The following MFRP variants were observed in gnomAD, a reference collection of about 807,000 sequenced individuals.
MFRP encodes C1q and TNF related 5.
In MFRP, 74 loss-of-function variants were observed where a neutral mutation model predicts 65.8. The ratio of observed to expected loss-of-function variants is 1.12; its 90% CI spans 0.93 to 1.36. MFRP has a LOEUF of 1.36. Ranked by LOEUF, MFRP falls within the 40% of genes most tolerant of loss-of-function variation. The pLI, the probability that MFRP is intolerant of heterozygous loss-of-function variation, is 0.00. For missense variants in MFRP, 838 were observed against 736.0 expected, an observed-to-expected ratio of 1.14 and a Z score of -1.60; for synonymous variants, 336 against 288.3, an observed-to-expected ratio of 1.17 and a Z score of -1.68.
At position 119,345,461 on chromosome 11, in the gene MFRP, A is replaced by T. The variant is rs1236282593; in HGVS notation, c.600T>A (p.Asp200Glu). 6.2e-7 allele frequency: 1 copy of T among 1,613,868 alleles called. No homozygotes were observed. The highest frequency in any genetic ancestry group is 8.5e-7 in the Non-Finnish European group (1 of 1,180,020). ...SIESVASCLF[D>E]RLELSPEPEG... ...CAGGCTCAGGGGAGAGTTCCAAGCG[A>T]TCAAAAAGGCAAGAGGCCACACTCT... Residue 200 changes from aspartate (D) to glutamate (E), a missense_variant, in exon 5 of 15, where the codon GAT (aspartate) becomes GAA (glutamate). By Grantham distance (45) the Asp-to-Glu change is conservative (BLOSUM62 2). Coordinates refer to ENST00000619721, the MANE Select transcript of MFRP (RefSeq NM_031433.4).
chr11:119,343,768 C>CA (rs754457857), intron 9 of MFRP, 48 bp downstream of exon 9: 2 of 1,611,550 alleles, frequency 1.2e-6, no homozygotes, highest in Non-Finnish European at 1.7e-6. Context: ...CCGGGGGTGG[C>CA]AGACAGTGAG....
chr11:119,346,351 G>A lies in MFRP; in HGVS notation c.78C>T (p.Phe26=), dbSNP rs188844398. ...SSKTEFCNPA[F]EPESGPPCPP... is the part of the protein sequence containing the mutation. ...GGCAGGGTGGCCCAGACTCAGGCTC[G>A]AAGGCAGGATTGCAGAACTCGGTCT... The change falls in exon 2 of 15, where the codon TTC becomes TTT. Residue 26 remains phenylalanine (F), a synonymous_variant. Coordinates refer to ENST00000619721, the MANE Select transcript of MFRP (RefSeq NM_031433.4). 1.2e-5 allele frequency: 19 copies of A among 1,614,056 alleles called. No homozygotes were observed. In the Admixed American group the frequency reaches 1.8e-4, roughly 16 times the overall value.
chr11:119,346,160 C>T lies in MFRP; in HGVS notation c.158-1G>A, dbSNP rs767822773. ...GGCCGTAGCCCTCGAGGACGCCGAC[C>T]TGCGGGTTGGCAGGTGGGGTTTTGA... On this transcript the variant is annotated splice_acceptor_variant, in intron 2 of 14. Coordinates refer to ENST00000619721, the MANE Select transcript of MFRP (RefSeq NM_031433.4). LOFTEE classifies it high-confidence loss of function. The T allele has an allele frequency of 2.5e-6, 4 of 1,587,210 alleles. No homozygotes were observed. In the East Asian group the frequency reaches 9.2e-5, roughly 36 times the overall value.
At position 119,339,086 on chromosome 11, in the gene MFRP, C is replaced by G; in HGVS notation, c.*1873G>C. Reference sequence around the variant, plus strand: ...TGGACCAGAGCAACTGGGGGACTTACACTTGCCAGCACAGCACACTCCTCT... The same window carrying G: ...TGGACCAGAGCAACTGGGGGACTTAGACTTGCCAGCACAGCACACTCCTCT... On this transcript the variant is annotated 3_prime_UTR_variant, in exon 15 of 15. Coordinates refer to ENST00000619721, the MANE Select transcript of MFRP (RefSeq NM_031433.4). The surrounding 1 kb of genome is among the most constrained non-coding windows in gnomAD (Gnocchi z 5.4). 2.0e-6 allele frequency: 1 copy of G among 504,326 alleles called. No homozygotes were observed. Among genetic ancestry groups the G allele is most frequent in the Non-Finnish European group, 3.5e-6 (1 of 285,716 alleles). The allele number at this position is 504,326 out of a possible 1,614,324, so 31.2% of individuals were successfully genotyped here.
At chr11:119,344,828 A>T (rs1950543314) in intron 6 of MFRP, 46 bp downstream of exon 6, 2 of 1,613,404 alleles carry the variant, frequency 1.2e-6, no homozygotes, top group Non-Finnish European at 8.5e-7. Context: ...GAGTGGGTGG[A>T]GGGGAAGAAA....
At position 119,339,845 on chromosome 11, in the gene MFRP, A is replaced by T; in HGVS notation, c.*1114T>A. The T allele has an allele frequency of 4.0e-6, 6 of 1,482,244 alleles. No homozygotes were observed. Among genetic ancestry groups the T allele is most frequent in the Non-Finnish European group, 4.4e-6 (5 of 1,124,198 alleles). 91.8% of individuals were successfully genotyped at this position (1,482,244 alleles called of 1,614,324 possible). A position where few individuals can be genotyped will look rare whatever the true frequency, so the allele number is the denominator to read the frequency against. ...CCCGGGGTCCCCTCGAGGTCCCGGCAGTCCTGCGGGGTAAGCGGGGCGGCA... is the reference window on the plus strand; with the variant it reads ...CCCGGGGTCCCCTCGAGGTCCCGGCTGTCCTGCGGGGTAAGCGGGGCGGCA... On this transcript the variant is annotated 3_prime_UTR_variant, in exon 15 of 15. Coordinates refer to ENST00000619721, the MANE Select transcript of MFRP (RefSeq NM_031433.4). The surrounding 1 kb of genome is among the most constrained non-coding windows in gnomAD (Gnocchi z 5.4).
In MFRP at chr11:119,346,276, C is replaced by T. The variant is rs1950568652; in HGVS notation, c.153G>A (p.Trp51Ter). ...EDASYSVPAP[W>*]HGRRPRGLRP... The stretch of plus-strand genomic sequence containing the variant: ...GTCACCCCCTGGGATGGTTACCATG[C>T]CAGGGAGCTGGGACGCTGTAGCTGG... The change falls in exon 2 of 15, where the codon TGG becomes TGA. Residue 51 changes from tryptophan to a stop codon, truncating the protein, a stop_gained. Transcript: ENST00000619721. LOFTEE classifies it high-confidence loss of function. The T allele has an allele frequency of 1.2e-6, 2 of 1,612,398 alleles. No homozygotes were observed. The highest frequency in any genetic ancestry group is 1.7e-6 in the Non-Finnish European group (2 of 1,179,318).
In MFRP at chr11:119,342,720, A is replaced by G. The variant is rs2135369155; in HGVS notation, c.1263T>C (p.Cys421=). The change falls in exon 11 of 15, where the codon TGT becomes TGC. Residue 421 remains cysteine, a synonymous_variant. Transcript: ENST00000619721. ...YLAFNATENP[C]GPSELSCQAG... ...CCTGGCAGGAGAGCTCACTGGGCCCACAGGGGTCTGCAGGCACAAGGGGCA... is the reference window on the plus strand; with the variant it reads ...CCTGGCAGGAGAGCTCACTGGGCCCGCAGGGGTCTGCAGGCACAAGGGGCA... The G allele has an allele frequency of 6.2e-7, 1 of 1,613,538 alleles. No individual in the cohort carries two copies. The highest frequency in any genetic ancestry group is 8.5e-7 in the Non-Finnish European group (1 of 1,179,928).
In MFRP at chr11:119,341,166, A is replaced by G; in HGVS notation, c.*382T>C. ...GAGGCAGACAGCCAGTTGGATCCCT[A>G]GGGCCTAGGACAGGGGCCTGCCACA... On this transcript the variant is annotated 3_prime_UTR_variant, in exon 13 of 15. Transcript: ENST00000619721. 1 of 261,326 alleles carries G rather than the reference A, an allele frequency of 3.8e-6. No individual in the cohort carries two copies. Among genetic ancestry groups the G allele is most frequent in the Non-Finnish European group, 7.5e-6 (1 of 133,522 alleles). The allele number at this position is 261,326 out of a possible 1,614,324, so 16.2% of individuals were successfully genotyped here.
rs916580246 is a variant in MFRP, at chr11:119,340,171, G to T, written c.*1110+13C>A. 5 of 1,509,952 alleles carry T rather than the reference G, an allele frequency of 3.3e-6. No homozygotes were observed. Among genetic ancestry groups the T allele is most frequent in the Non-Finnish European group, 8.8e-7 (1 of 1,132,170 alleles). The allele number at this position is 1,509,952 out of a possible 1,614,324, so 93.5% of individuals were successfully genotyped here. ...GGACATCGCCACCGATAGCCGCGGC[G>T]GTGCCTTCTTACCCGGCCTCCCGCC... On this transcript the variant is annotated intron_variant, in intron 14 of 14. Coordinates refer to ENST00000619721, the MANE Select transcript of MFRP (RefSeq NM_031433.4).
Position 119,346,163 on chromosome 11 carries a change from C to G in MFRP, c.158-4G>C, listed in dbSNP as rs560861324. The G allele has an allele frequency of 2.5e-6, 4 of 1,585,048 alleles. No individual in the cohort carries two copies. Among genetic ancestry groups the G allele is most frequent in the Non-Finnish European group, 2.6e-6 (3 of 1,165,174 alleles). On this transcript the variant is annotated splice_polypyrimidine_tract_variant and splice_region_variant and intron_variant, in intron 2 of 14. Coordinates refer to ENST00000619721, the MANE Select transcript of MFRP (RefSeq NM_031433.4). ...CGTAGCCCTCGAGGACGCCGACCTG[C>G]GGGTTGGCAGGTGGGGTTTTGAAAG...
In MFRP at chr11:119,346,342, CT is replaced by C. The variant is rs1200654299; in HGVS notation, c.86del (p.Glu29GlyfsTer108). ...TEFCNPAFEP[E>X]SGPPCPPPVF... Reference sequence around the variant, plus strand: ...CTGGGGGAGGGCAGGGTGGCCCAGACTCAGGCTCGAAGGCAGGATTGCAGAA... The same window carrying C: ...CTGGGGGAGGGCAGGGTGGCCCAGACCAGGCTCGAAGGCAGGATTGCAGAA... On this transcript the variant is annotated frameshift_variant, in exon 2 of 15. Transcript: ENST00000619721. LOFTEE classifies it high-confidence loss of function. 6.2e-7 allele frequency: 1 copy of C among 1,614,066 alleles called. No individual in the cohort carries two copies.
intron 3 of MFRP, 29 bp from the exon 4 acceptor site, chr11:119,345,957 T>C: frequency 1.2e-6 from 2 of 1,613,548 alleles, no homozygotes; most frequent in Middle Eastern, 3.3e-4. Flanking sequence ...AGGGTGGCGT[T>C]CAGAGGAGCT....
intron 9 of MFRP, among the ~76,000 whole-genome samples, chr11:119,343,581 T>TA (rs1456682155): frequency 1.3e-5 from 2 of 151,346 alleles, no homozygotes; most frequent in African/African-American, 4.9e-5. Flanking sequence ...CCCCTGCCGG[T>TA]GGGGAGGAAC....
rs1442032777 is a variant in MFRP at position 119,341,692 on chromosome 11, G to A, written c.1596C>T (p.Gly532=). The change falls in exon 13 of 15, where the codon GGC becomes GGT. Residue 532 remains glycine, a synonymous_variant. Transcript: ENST00000619721. Reference sequence around the variant, plus strand: ...CAGAGCGGCAAGGGGGCAGAACACTGCCTAGTGGGGTGCAACGGGGCACAA... The same window carrying A: ...CAGAGCGGCAAGGGGGCAGAACACTACCTAGTGGGGTGCAACGGGGCACAA... ...GLLVPRCTPL[G]SVLPPCRSVC... The A allele has an allele frequency of 1.2e-6, 2 of 1,613,124 alleles. No homozygotes were observed. Among genetic ancestry groups the A allele is most frequent in the Non-Finnish European group, 8.5e-7 (1 of 1,180,034 alleles).
chr11:119,345,482 ACT>A lies in MFRP; in HGVS notation c.577_578del (p.Ser193CysfsTer7), dbSNP rs1950553695. The A allele has an allele frequency of 1.9e-6, 3 of 1,613,882 alleles. No homozygotes were observed. The highest frequency in any genetic ancestry group is 2.5e-6 in the Non-Finnish European group (3 of 1,179,998). ...AGCGATCAAAAAGGCAAGAGGCCAC[ACT>A]CTCTATGCTGAGGGCTTCGATCTTG... ...QLKIEALSIE[S>X]VASCLFDRLE... On this transcript the variant is annotated frameshift_variant, in exon 5 of 15. Coordinates refer to ENST00000619721, the MANE Select transcript of MFRP (RefSeq NM_031433.4). LOFTEE classifies it high-confidence loss of function.
rs369448482 is a variant in MFRP, at chr11:119,345,840, G to T, written c.360C>A (p.Thr120=). The T allele has an allele frequency of 4.9e-5, 79 of 1,613,858 alleles. No homozygotes were observed. The African/African-American group carries it at 8.3e-4, about 17-fold the overall frequency. ...TAGGGGTCCCAGCTGCCTGAGAGGT[G>T]GTGATGGTGGGGGTGGTGGTGGTCG... ...LTTTTTTPTI[T]TSQAAGTPKG... Residue 120 remains threonine (T), a synonymous_variant, in exon 4 of 15, where the codon ACC becomes ACA. Coordinates refer to ENST00000619721, the MANE Select transcript of MFRP (RefSeq NM_031433.4).
intron 13 of MFRP, 54 bp from the exon 14 acceptor site, chr11:119,340,494 C>T (rs1950491768): frequency 7.5e-7 from 1 of 1,329,500 alleles, no homozygotes; most frequent in Non-Finnish European, 1.0e-6. Flanking sequence ...ACCTGCCTCT[C>T]TCCCCACCCC....
At chr11:119,344,523 G>T in intron 7 of MFRP, 109 bp downstream of exon 7, 1 of 1,592,146 alleles carries the variant, frequency 6.3e-7, no homozygotes, top group Non-Finnish European at 8.6e-7. Context: ...GAATGACTGA[G>T]CAGGAAATGC....
Sources: allele counts gnomAD v4.1 joint callset (sites outside exome capture counted in the v4.1 genomes callset), GRCh38; gene constraint gnomAD v4.1.1; non-coding constraint Gnocchi (gnomAD v3.1); transcripts MANE v1.5; gene names NCBI Gene and HGNC (gene_info 2026-07-23, HGNC 2026-07-21).